TTC39A: variants seen among roughly 807,000 people sequenced by gnomAD.
TTC39A encodes the protein tetratricopeptide repeat domain 39A, also known as tetratricopeptide repeat protein 39A.
TTC39A carries 46 observed loss-of-function variants against 82.3 expected under a neutral mutation model. The observed-to-expected ratio is 0.56, with a 90% confidence interval of 0.44 to 0.71. TTC39A has a LOEUF of 0.71. Ranked by LOEUF, TTC39A falls within the 30% of genes least tolerant of loss-of-function variation. TTC39A has a pLI of 0.00. For synonymous variants in TTC39A, 254 were observed against 275.2 expected, an observed-to-expected ratio of 0.92 and a Z score of 0.76; for missense variants, 543 against 712.9, an observed-to-expected ratio of 0.76 and a Z score of 2.71.
At chr1:51,305,896 C>T in intron 7 of TTC39A, 81 bp downstream of exon 7, 1 of 1,383,642 alleles carries the variant, frequency 7.2e-7, no homozygotes, top group East Asian at 2.3e-5. Context: ...GGGCACTTGG[C>T]AGTGACCACA....
chr1:51,343,304 C>T (rs1646059538), intron 1 of TTC39A, among the ~76,000 whole-genome samples: 2 of 152,176 alleles, frequency 1.3e-5, no homozygotes, highest in Non-Finnish European at 2.9e-5. Flanking sequence ...ATCCTTTCTC[C>T]GTAGGACAGC....
chr1:51,331,965 G>T, upstream of TTC39A: 1 of 314,038 alleles, frequency 3.2e-6, no homozygotes, highest in Non-Finnish European at 4.6e-6. Context: ...AAAGGGTGAG[G>T]CTGGTGAGAC....
In TTC39A at chr1:51,305,066, G is replaced by A. The variant is rs1644818922; in HGVS notation, c.654+15C>T. ...GGGCTGAGCAGGTCAGGGGTGCTAG[G>A]AGGCAGGTGGTTACCTTGTTTCCTG... On this transcript the variant is annotated intron_variant, in intron 8 of 17. Transcript: ENST00000680483. 6.2e-7 allele frequency: 1 copy of A among 1,613,092 alleles called. No individual in the cohort carries two copies. Among genetic ancestry groups the A allele is most frequent in the African/African-American group, 1.3e-5 (1 of 75,032 alleles).
At position 51,296,120 on chromosome 1, in the gene TTC39A, C is replaced by G; in HGVS notation, c.1104G>C (p.Glu368Asp). 7 of 1,600,592 alleles carry G rather than the reference C, an allele frequency of 4.4e-6. No individual in the cohort carries two copies. Among genetic ancestry groups the G allele is most frequent in the Non-Finnish European group, 6.0e-6 (7 of 1,173,648 alleles). Residue 368 changes from glutamate (E) to aspartate (D), a missense_variant, in exon 13 of 18, where the codon GAG (glutamate) becomes GAC (aspartate). By Grantham distance (45) the Glu-to-Asp change is conservative (BLOSUM62 2). Coordinates refer to ENST00000680483, the MANE Select transcript of TTC39A (RefSeq NM_001297663.2). ...KAAYLSMFGK[E>D]DHKPFGDDEV... ...CGTCGTCCCCGAACGGCTTGTGGTC[C>G]TCCTTCCCAAACATGCTGAGGTAGG... is the stretch of plus-strand genomic sequence containing the variant.
rs755179941 is a variant in TTC39A, at chr1:51,322,123, A to G, written c.42-298T>C. 33 of 1,552,484 alleles carry G rather than the reference A, an allele frequency of 2.1e-5. No homozygotes were observed. The Admixed American group carries it at 6.2e-4, about 29-fold the overall frequency. On this transcript the variant is annotated intron_variant, in intron 1 of 17. Transcript: ENST00000680483. ...TCAGGAATCAATGATCTTACCCTCC[A>G]CAAGGGTAAAGGGAGTCTTTGTGGC...
At chr1:51,290,197 G>T in intron 15 of TTC39A, 78 bp from the exon 16 acceptor site, 1 of 1,372,568 alleles carries the variant, frequency 7.3e-7, no homozygotes, top group Non-Finnish European at 1.0e-6. Context: ...CCTACTTTGT[G>T]CTAGGTCAAA....
chr1:51,317,296 G>A (rs1645321047), intron 2 of TTC39A, among the ~76,000 whole-genome samples: 1 of 152,228 alleles, frequency 6.6e-6, no homozygotes, highest in Non-Finnish European at 1.5e-5. Context: ...TTTCCAGCAA[G>A]AATTGTTTTC....
chr1:51,323,640 T>C (rs1645608740), intron 1 of TTC39A, among the ~76,000 whole-genome samples: 1 of 152,234 alleles, frequency 6.6e-6, no homozygotes, highest in South Asian at 2.1e-4. Flanking sequence ...ACCAGCTCTT[T>C]CATTAGGTGT....
At chr1:51,296,942 T>C in intron 12 of TTC39A, 1 of 152,700 alleles carries the variant, frequency 6.5e-6, no homozygotes. Flanking sequence ...ACCACGCCCC[T>C]TCCTCAGAAG....
chr1:51,305,468 A>C, intron 7 of TTC39A: 2 of 352,228 alleles, frequency 5.7e-6, no homozygotes, highest in South Asian at 5.2e-5. Context: ...TCTGCCTGGA[A>C]GCCCCTCCCC....
intron 1 of TTC39A, among the ~76,000 whole-genome samples, chr1:51,323,264 C>T (rs1281657729): frequency 1.3e-5 from 2 of 151,992 alleles, no homozygotes; most frequent in Non-Finnish European, 2.9e-5. Flanking sequence ...TAAATCCCAT[C>T]ATTTCTACTT....
chr1:51,291,130 T>C (rs1040750535), intron 14 of TTC39A, among the ~76,000 whole-genome samples: 2 of 152,260 alleles, frequency 1.3e-5, no homozygotes, highest in African/African-American at 2.4e-5. Context: ...GTTACCATCA[T>C]TGAGACTCTT....
At chr1:51,330,596 G>T (rs916757924), upstream of TTC39A, 1 of 983,006 alleles carries the variant, frequency 1.0e-6, no homozygotes, top group Non-Finnish European at 1.2e-6. The surrounding 1 kb of genome is among the most constrained non-coding windows in gnomAD (Gnocchi z 4.5). Flanking sequence ...GGAGGGGCGC[G>T]CCGGGGGCGG....
intron 1 of TTC39A, among the ~76,000 whole-genome samples, chr1:51,343,516 C>T (rs1646062015): frequency 1.3e-5 from 2 of 152,228 alleles, no homozygotes; most frequent in Non-Finnish European, 2.9e-5. Context: ...TGCTTCAGCA[C>T]TGCCAATTTT....
At chr1:51,343,272 T>C (rs1646058945) in intron 1 of TTC39A, among the ~76,000 whole-genome samples, 1 of 152,234 alleles carries the variant, frequency 6.6e-6, no homozygotes, top group African/African-American at 2.4e-5. Context: ...TGATCCAGCA[T>C]TGAAATCGTC....
intron 12 of TTC39A, 33 bp from the exon 13 acceptor site, chr1:51,296,203 C>A: frequency 1.3e-6 from 2 of 1,559,092 alleles, no homozygotes; most frequent in Non-Finnish European, 8.7e-7. Context: ...CAGGTGTGAG[C>A]AGCCCTCCTC....
intron 12 of TTC39A, among the ~76,000 whole-genome samples, chr1:51,296,576 A>C (rs1644436010): frequency 6.6e-6 from 1 of 152,238 alleles, no homozygotes; most frequent in Admixed American, 6.5e-5. Context: ...GAGCAAAGCC[A>C]GGAGGTGGCA....
At chr1:51,343,857 C>T (rs544341334) in intron 1 of TTC39A, among the ~76,000 whole-genome samples, 8 of 152,108 alleles carry the variant, frequency 5.3e-5, no homozygotes, top group Admixed American at 3.9e-4. Flanking sequence ...TGGGCTCAAG[C>T]GATCCTCCCG....
intron 2 of TTC39A, among the ~76,000 whole-genome samples, chr1:51,313,367 C>T (rs779814766): frequency 6.6e-6 from 1 of 152,120 alleles, no homozygotes; most frequent in Non-Finnish European, 1.5e-5. Context: ...TTAGCCCAAA[C>T]CCCACCCCTG....
Sources: gnomAD v4.1 joint callset for allele counts (sites outside exome capture counted in the v4.1 genomes callset) on GRCh38, gnomAD v4.1.1 for gene constraint, Gnocchi (gnomAD v3.1) non-coding constraint, MANE v1.5 for transcripts, NCBI Gene and HGNC (gene_info 2026-07-23, HGNC 2026-07-21) for gene names.